Variants in ENTPD1 observed in about 807,000 individuals in gnomAD.
The protein encoded by ENTPD1 is ATP diphosphohydrolase.
Under a neutral mutation model 57.0 loss-of-function variants are expected in ENTPD1, and 33 were observed. The observed-to-expected ratio is 0.58, with a 90% CI of 0.44 to 0.77. The LOEUF (loss-of-function observed/expected upper bound fraction) is 0.77. Ranked by LOEUF, ENTPD1 falls within the 30% of genes least tolerant of loss-of-function variation. ENTPD1 has a pLI of 0.00. For synonymous variants in ENTPD1, 202 were observed against 218.8 expected (o/e 0.92, Z 0.68); for missense variants, 501 against 603.4 (o/e 0.83, Z 1.78).
rs2141034085 is a variant in ENTPD1, at chr10:95,873,669, T to C, written c.*7286T>C. On this transcript the variant is annotated 3_prime_UTR_variant, in exon 10 of 10. Coordinates refer to ENST00000371205, the MANE Select transcript of ENTPD1 (RefSeq NM_001776.6). ...TGAAACAGCTAATCATGTTCAATAG[T>C]TACATTTAGATTGGTTTTTAAAAAC... is the stretch of plus-strand genomic sequence containing the variant. 4.1e-6 allele frequency: 4 copies of C among 985,380 alleles called. No homozygotes were observed. The South Asian group carries it at 1.4e-4, about 35-fold the overall frequency. The allele number at this position is 985,380 out of a possible 1,614,324, so 61.0% of individuals were successfully genotyped here. A position where few individuals can be genotyped will look rare whatever the true frequency, so the allele number is the denominator to read the frequency against.
chr10:95,856,419 A>C (rs1229750466), intron 7 of ENTPD1, among the ~76,000 whole-genome samples: 1 of 152,164 alleles, frequency 6.6e-6, no homozygotes. Context: ...TACAACCACT[A>C]TGGAAAACAG....
chr10:95,842,555 C>T, intron 4 of ENTPD1, 61 bp downstream of exon 4: 1 of 1,577,412 alleles, frequency 6.3e-7, no homozygotes, highest in Non-Finnish European at 8.6e-7. Context: ...GAAAGAGCCT[C>T]TGAAGTTATG....
chr10:95,807,620 T>A (rs896525616), intron 1 of ENTPD1, among the ~76,000 whole-genome samples: 2 of 152,240 alleles, frequency 1.3e-5, no homozygotes, highest in African/African-American at 4.8e-5. Context: ...AGACTGGAGC[T>A]GTTCCTATTC....
rs148023742 is a variant in ENTPD1 at position 95,876,616 on chromosome 10, A to G, written c.*10233A>G. On this transcript the variant is annotated 3_prime_UTR_variant, in exon 10 of 10. Transcript: ENST00000371205. ...GAATCCACTCTGTCTCCTGCAGTGA[A>G]GTCTGTTTGAAGGATGTATTTGGCT... 181 of 1,229,806 alleles carry G rather than the reference A, an allele frequency of 1.5e-4. 1 individual carries two copies. The African/African-American group carries it at 2.6e-3, about 18-fold the overall frequency. The allele number at this position is 1,229,806 out of a possible 1,614,324, so 76.2% of individuals were successfully genotyped here.
chr10:95,871,031 G>C lies in ENTPD1; in HGVS notation c.*4648G>C. 2 of 985,388 alleles carry C rather than the reference G, an allele frequency of 2.0e-6. No individual in the cohort carries two copies. Among genetic ancestry groups the C allele is most frequent in the Non-Finnish European group, 2.4e-6 (2 of 829,936 alleles). 61.0% of individuals were successfully genotyped at this position (985,388 alleles called of 1,614,324 possible). A position where few individuals can be genotyped will look rare whatever the true frequency, so the allele number is the denominator to read the frequency against. On this transcript the variant is annotated 3_prime_UTR_variant, in exon 10 of 10. Transcript: ENST00000371205. ...CCCGCAGAGGCTCGTGAAAGTGAGA[G>C]GAAACTAGGATGCCTCTTAAGGTCT...
chr10:95,846,786 G>A (rs753768982), intron 6 of ENTPD1, among the ~76,000 whole-genome samples: 4 of 151,958 alleles, frequency 2.6e-5, no homozygotes, highest in Non-Finnish European at 5.9e-5. Flanking sequence ...TCCGGAGTTC[G>A]AGACCAGCCT....
chr10:95,711,501 T>C (rs920673152), upstream of ENTPD1, among the ~76,000 whole-genome samples: 2 of 152,234 alleles, frequency 1.3e-5, no homozygotes, highest in African/African-American at 4.8e-5. Flanking sequence ...ATTTATTTTA[T>C]TTATTTTCAC....
intron 1 of ENTPD1, among the ~76,000 whole-genome samples, chr10:95,737,050 A>G (rs1330336625): frequency 6.6e-6 from 1 of 152,320 alleles, no homozygotes; most frequent in East Asian, 1.9e-4. Flanking sequence ...CAATATTGAG[A>G]TAAAGTAGTG....
intron 1 of ENTPD1, among the ~76,000 whole-genome samples, chr10:95,816,923 T>C (rs2098331763): frequency 6.6e-6 from 1 of 152,216 alleles, no homozygotes; most frequent in Admixed American, 6.5e-5. Flanking sequence ...ATCTGGAATA[T>C]AGTAAGAACT....
rs1044537458 is a variant in ENTPD1 at position 95,797,220 on chromosome 10, A to G, written c.17-26017A>G. 2.0e-5 allele frequency among the ~76,000 whole-genome samples: 3 copies of G among 152,194 alleles called. No individual in the cohort carries two copies. In the East Asian group the frequency reaches 5.8e-4, roughly 29 times the overall value. ...AGTGGTGATCTTTACTTAGCCAATT[A>G]TGCGAAAAGATTAATTTAGAGTGGG... is the stretch of plus-strand genomic sequence containing the variant. On this transcript the variant is annotated intron_variant, in intron 1 of 9. Transcript: ENST00000371205.
chr10:95,705,752 A>C, the ENTPD1 span, among the ~76,000 whole-genome samples: 1 of 152,174 alleles, frequency 6.6e-6, no homozygotes, highest in South Asian at 2.1e-4. Flanking sequence ...TTGGCCTCCC[A>C]AAGTGCTGGG....
chr10:95,761,155 C>A (rs932575615), intron 1 of ENTPD1, among the ~76,000 whole-genome samples: 1 of 151,956 alleles, frequency 6.6e-6, no homozygotes, highest in Non-Finnish European at 1.5e-5. Context: ...TTAAGTACTT[C>A]GGAGGAAGGC....
chr10:95,874,238 A>C lies in ENTPD1; in HGVS notation c.*7855A>C, dbSNP rs1318699406. On this transcript the variant is annotated 3_prime_UTR_variant, in exon 10 of 10. Coordinates refer to ENST00000371205, the MANE Select transcript of ENTPD1 (RefSeq NM_001776.6). Reference sequence around the variant, plus strand: ...TAAAAGCAAGCTAGTTACCTCCTAGATACAATGGGGGGTACAGGTATTGGG... The same window carrying C: ...TAAAAGCAAGCTAGTTACCTCCTAGCTACAATGGGGGGTACAGGTATTGGG... Among the ~76,000 whole-genome samples the C allele has an allele frequency of 9.2e-5, 14 of 152,192 alleles. No homozygotes were observed. Among genetic ancestry groups the C allele is most frequent in the Admixed American group, 9.2e-4 (14 of 15,272 alleles).
chr10:95,701,346 T>G, the ENTPD1 span, among the ~76,000 whole-genome samples: 1 of 152,190 alleles, frequency 6.6e-6, no homozygotes, highest in African/African-American at 2.4e-5. Context: ...TTGAGGGCAA[T>G]ATATATTTCA....
intron 1 of ENTPD1, among the ~76,000 whole-genome samples, chr10:95,783,643 A>G (rs2098166398): frequency 1.3e-5 from 2 of 152,048 alleles, no homozygotes; most frequent in African/African-American, 4.8e-5. Context: ...CTGTGTTAGG[A>G]CTTTCTTAGG....
chr10:95,761,953 C>G (rs1024615082), intron 1 of ENTPD1, among the ~76,000 whole-genome samples: 3 of 152,020 alleles, frequency 2.0e-5, no homozygotes, highest in African/African-American at 7.3e-5. Context: ...ATTCTAGGAG[C>G]AAAGCAAGGA....
At chr10:95,726,144 G>T (rs1264004362) in intron 1 of ENTPD1, among the ~76,000 whole-genome samples, 4 of 152,180 alleles carry the variant, frequency 2.6e-5, no homozygotes, top group Admixed American at 2.0e-4. Context: ...CTTGTTGTCT[G>T]CCTTTGCTCA....
chr10:95,777,209 C>A (rs1427853160), intron 1 of ENTPD1, among the ~76,000 whole-genome samples: 4 of 152,142 alleles, frequency 2.6e-5, no homozygotes, highest in Non-Finnish European at 4.4e-5. Flanking sequence ...GGAAAAGAGG[C>A]CCTCTGGTTT....
In ENTPD1 at chr10:95,871,200, C is replaced by T; in HGVS notation, c.*4817C>T. The T allele has an allele frequency of 1.0e-6, 1 of 985,410 alleles. No individual in the cohort carries two copies. Among genetic ancestry groups the T allele is most frequent in the Non-Finnish European group, 1.2e-6 (1 of 829,930 alleles). 61.0% of individuals were successfully genotyped at this position (985,410 alleles called of 1,614,324 possible). A position where few individuals can be genotyped will look rare whatever the true frequency, so the allele number is the denominator to read the frequency against. On this transcript the variant is annotated 3_prime_UTR_variant, in exon 10 of 10. Coordinates refer to ENST00000371205, the MANE Select transcript of ENTPD1 (RefSeq NM_001776.6). ...CAAGGCCATGAGTGATTAATTTTAA[C>T]ACAGGAAAAAAGTAAAGCATTAAAT...
Sources: allele counts gnomAD v4.1 joint callset (sites outside exome capture counted in the v4.1 genomes callset), GRCh38; gene constraint gnomAD v4.1.1; transcripts MANE v1.5; gene names NCBI Gene and HGNC (gene_info 2026-07-23, HGNC 2026-07-21).